Variants in ZSWIM7 observed in about 807,000 individuals in gnomAD.
ZSWIM7 encodes zinc finger SWIM domain-containing protein 7.
Under a neutral mutation model 21.1 loss-of-function variants are expected in ZSWIM7, and 22 were observed. That is an observed-to-expected ratio of 1.04 (90% CI 0.74 to 1.49). The LOEUF is 1.49. ZSWIM7 is among the 40% of genes most tolerant of loss of function. The pLI, the probability that ZSWIM7 is intolerant of heterozygous loss-of-function variation, is 0.00. For synonymous variants in ZSWIM7, 67 were observed against 66.5 expected, an observed-to-expected ratio of 1.01 and a Z score of -0.04; for missense variants, 193 against 168.0, an observed-to-expected ratio of 1.15 and a Z score of -0.82.
At chr17:15,998,401 C>G (rs1468884219) in intron 1 of ZSWIM7, among the ~76,000 whole-genome samples, 2 of 152,180 alleles carry the variant, frequency 1.3e-5, no homozygotes, top group African/African-American at 2.4e-5. Flanking sequence ...TCCTTAAAAA[C>G]AGTAACTCAA....
At chr17:15,988,747 G>A (rs1338688879) in intron 2 of ZSWIM7, among the ~76,000 whole-genome samples, 2 of 152,108 alleles carry the variant, frequency 1.3e-5, no homozygotes, top group African/African-American at 2.4e-5. Context: ...GGCCGGGCGC[G>A]GTGGCTCATA....
At chr17:15,984,722 G>T (rs894762894) in intron 3 of ZSWIM7, among the ~76,000 whole-genome samples, 2 of 152,190 alleles carry the variant, frequency 1.3e-5, no homozygotes, top group African/African-American at 2.4e-5. Context: ...CATGTGACCT[G>T]CTTTAGTAAA....
At position 15,977,977 on chromosome 17, in the gene ZSWIM7, A is replaced by C; in HGVS notation, c.*70T>G. ...ATCCATTTCACCTCTTTTCCATGTGAATCATGACGCTTTCAATGCATTTCT... is the reference window on the plus strand; with the variant it reads ...ATCCATTTCACCTCTTTTCCATGTGCATCATGACGCTTTCAATGCATTTCT... On this transcript the variant is annotated 3_prime_UTR_variant, in exon 5 of 5. Coordinates refer to ENST00000399277, the MANE Select transcript of ZSWIM7 (RefSeq NM_001042697.2). 8.0e-7 allele frequency: 1 copy of C among 1,249,398 alleles called. No homozygotes were observed. The highest frequency in any genetic ancestry group is 1.2e-5 in the South Asian group (1 of 82,294). The allele number at this position is 1,249,398 out of a possible 1,614,324, so 77.4% of individuals were successfully genotyped here.
intron 1 of ZSWIM7, 77 bp downstream of exon 1, chr17:15,999,442 C>T (rs1376272880): frequency 6.4e-7 from 1 of 1,555,266 alleles, no homozygotes; most frequent in Non-Finnish European, 8.7e-7. Context: ...CACCCCGCCT[C>T]CTGCCTCCCG....
chr17:15,999,286 G>A (rs974583233), intron 1 of ZSWIM7: 1 of 636,618 alleles, frequency 1.6e-6, no homozygotes, highest in Non-Finnish European at 2.7e-6. Context: ...AGGGGCTCCT[G>A]CAACTGCGCT....
intron 2 of ZSWIM7, 40 bp downstream of exon 2, chr17:15,993,717 T>C (rs765134960): frequency 6.5e-6 from 9 of 1,380,420 alleles, no homozygotes; most frequent in East Asian, 2.3e-5. Context: ...TTAACATTAA[T>C]GGTTAAAAAA....
chr17:15,991,698 A>C (rs1970483693), intron 2 of ZSWIM7, among the ~76,000 whole-genome samples: 1 of 152,200 alleles, frequency 6.6e-6, no homozygotes, highest in South Asian at 2.1e-4. Context: ...TAAGAAATAC[A>C]GTAAAGGTTA....
rs559550575 is a variant in ZSWIM7, at chr17:15,999,636, G to A, written c.-42C>T. 5.1e-6 allele frequency: 8 copies of A among 1,566,734 alleles called. No individual in the cohort carries two copies. Among genetic ancestry groups the A allele is most frequent in the Middle Eastern group, 1.7e-4 (1 of 5,968 alleles). On this transcript the variant is annotated 5_prime_UTR_variant, in exon 1 of 5. Coordinates refer to ENST00000399277, the MANE Select transcript of ZSWIM7 (RefSeq NM_001042697.2). ...CCCTCCACGACCGGCGGACCGCCGC[G>A]ACGCTCCAGCTGACTGCGCCTACCT...
intron 1 of ZSWIM7, 87 bp downstream of exon 1, chr17:15,999,432 C>T: frequency 1.3e-6 from 2 of 1,507,722 alleles, no homozygotes; most frequent in South Asian, 1.2e-5. Flanking sequence ...CAGGCCCGGA[C>T]ACCCCGCCTC....
At chr17:15,996,159 C>T (rs1007009980) in intron 1 of ZSWIM7, among the ~76,000 whole-genome samples, 2 of 152,048 alleles carry the variant, frequency 1.3e-5, no homozygotes, top group Non-Finnish European at 2.9e-5. Flanking sequence ...AACTATTAGC[C>T]GGGCATGGTG....
chr17:15,982,509 A>C (rs1417081009), intron 3 of ZSWIM7, among the ~76,000 whole-genome samples: 1 of 152,080 alleles, frequency 6.6e-6, no homozygotes, highest in Non-Finnish European at 1.5e-5. Flanking sequence ...GGATTCTTTA[A>C]TCTTTCTTAC....
intron 2 of ZSWIM7, among the ~76,000 whole-genome samples, chr17:15,990,687 TCTTA>T (rs1410965273): frequency 2.0e-5 from 3 of 152,198 alleles, no homozygotes; most frequent in Non-Finnish European, 4.4e-5. Context: ...ATGTTCAACT[TCTTA>T]CTTCATTTTC....
Position 15,999,645 on chromosome 17 carries a change from G to C in ZSWIM7, c.-51C>G, listed in dbSNP as rs938941532. Reference sequence around the variant, plus strand: ...ACCGGCGGACCGCCGCGACGCTCCAGCTGACTGCGCCTACCTGTGGAGGAT... The same window carrying C: ...ACCGGCGGACCGCCGCGACGCTCCACCTGACTGCGCCTACCTGTGGAGGAT... On this transcript the variant is annotated 5_prime_UTR_variant, in exon 1 of 5. Transcript: ENST00000399277. The C allele has an allele frequency of 6.4e-7, 1 of 1,565,790 alleles. No homozygotes were observed.
At chr17:15,983,494 C>T (rs1276183865) in intron 3 of ZSWIM7, among the ~76,000 whole-genome samples, 2 of 151,496 alleles carry the variant, frequency 1.3e-5, no homozygotes, top group Non-Finnish European at 2.9e-5. Context: ...ATTTCCCCAG[C>T]ATGTGTGGAA....
chr17:15,999,346 C>A (rs1970629761), intron 1 of ZSWIM7, 173 bp downstream of exon 1: 1 of 847,860 alleles, frequency 1.2e-6, no homozygotes, highest in Non-Finnish European at 1.9e-6. Context: ...GTTCCAATTT[C>A]GCTTTTTTGT....
At chr17:15,994,911 T>TAGTCTTCC (rs1422224780) in intron 1 of ZSWIM7, among the ~76,000 whole-genome samples, 1 of 152,184 alleles carries the variant, frequency 6.6e-6, no homozygotes, top group African/African-American at 2.4e-5. Context: ...ATATACTTTT[T>TAGTCTTCC]AGTCTTCCAC....
chr17:15,979,769 G>A (rs1970329407), intron 4 of ZSWIM7, among the ~76,000 whole-genome samples: 1 of 138,918 alleles, frequency 7.2e-6, no homozygotes, highest in African/African-American at 2.8e-5. Context: ...TCACCTCCCG[G>A]ATGGGGCGGC....
At chr17:15,986,977 A>G in intron 3 of ZSWIM7, 1 of 191,852 alleles carries the variant, frequency 5.2e-6, no homozygotes, top group Non-Finnish European at 1.1e-5. Context: ...ACCACAAAAA[A>G]AGAAGTATAT....
intron 1 of ZSWIM7, 32 bp downstream of exon 1, chr17:15,999,487 T>G (rs1225269441): frequency 6.3e-7 from 1 of 1,593,484 alleles, no homozygotes; most frequent in Admixed American, 1.7e-5. Flanking sequence ...CCCGCGCCCA[T>G]GGCGCAGCCA....
Sources: gnomAD v4.1 joint callset for allele counts (sites outside exome capture counted in the v4.1 genomes callset) on GRCh38, gnomAD v4.1.1 for gene constraint, MANE v1.5 for transcripts, NCBI Gene and HGNC (gene_info 2026-07-23, HGNC 2026-07-21) for gene names.